Variants in BCR observed in about 807,000 individuals in gnomAD.
BCR encodes BCR activator of RhoGEF and GTPase, also known as breakpoint cluster region protein.
Under a neutral mutation model 138.6 loss-of-function variants are expected in BCR, and 58 were observed. That is an observed-to-expected ratio of 0.42 (90% CI 0.34 to 0.52). The LOEUF is 0.52. Ranked by LOEUF, BCR falls within the 20% of genes least tolerant of loss-of-function variation. BCR has a pLI of 0.06. For synonymous variants in BCR, 786 were observed against 730.1 expected (o/e 1.08, Z -1.23); for missense variants, 1,599 against 1,727.2 (o/e 0.93, Z 1.32).
intron 1 of BCR, among the ~76,000 whole-genome samples, chr22:23,184,009 C>G (rs894856961): frequency 6.6e-6 from 1 of 152,212 alleles, no homozygotes; most frequent in Non-Finnish European, 1.5e-5. Context: ...TTAGGACTTG[C>G]TGGATTCTTC....
At chr22:23,207,359 G>T (rs79272230) in intron 1 of BCR, among the ~76,000 whole-genome samples, 10,599 of 152,180 alleles carry the variant, frequency 0.07, 1,227 homozygotes, top group African/African-American at 0.24. Flanking sequence ...CTCAAAAGGA[G>T]TATATTGTAA....
chr22:23,258,409 C>G (rs942320725), intron 2 of BCR, among the ~76,000 whole-genome samples: 1 of 152,188 alleles, frequency 6.6e-6, no homozygotes, highest in African/African-American at 2.4e-5. Flanking sequence ...TGGGGCAGGC[C>G]AGGCCCTGGG....
In BCR at chr22:23,195,605, G is replaced by A. The variant is rs572320356; in HGVS notation, c.1279+13366G>A. ...GAGACTGTCTCAAAAAATAAAAACC[G>A]GCCGGGCGCGGTGGCTCGCGCCTGT... On this transcript the variant is annotated intron_variant, in intron 1 of 22. Coordinates refer to ENST00000305877, the MANE Select transcript of BCR (RefSeq NM_004327.4). 5.3e-5 allele frequency among the ~76,000 whole-genome samples: 8 copies of A among 151,698 alleles called. No homozygotes were observed. The South Asian group carries it at 1.7e-3, about 32-fold the overall frequency.
At chr22:23,255,483 T>C (rs2073282775) in intron 2 of BCR, among the ~76,000 whole-genome samples, 1 of 152,194 alleles carries the variant, frequency 6.6e-6, no homozygotes, top group Admixed American at 6.5e-5. Flanking sequence ...GTGCACCCCT[T>C]TCTTGCTGCA....
At chr22:23,206,950 C>A (rs1223607130) in intron 1 of BCR, among the ~76,000 whole-genome samples, 2 of 135,892 alleles carry the variant, frequency 1.5e-5, no homozygotes, top group African/African-American at 5.6e-5. Context: ...TTCCTCCCTC[C>A]CTCCCTCCCT....
intron 1 of BCR, among the ~76,000 whole-genome samples, chr22:23,248,625 G>T (rs1345652138): frequency 4.6e-5 from 7 of 152,120 alleles, no homozygotes; most frequent in Admixed American, 1.3e-4. Flanking sequence ...CAAACTGCCT[G>T]GAGAGAAGAG....
chr22:23,315,336 T>G, intron 22 of BCR, 97 bp from the exon 23 acceptor site: 2 of 995,214 alleles, frequency 2.0e-6, no homozygotes, highest in Non-Finnish European at 3.0e-6. Flanking sequence ...CCCCAGCACC[T>G]GAGATGGACT....
chr22:23,224,660 T>TCACTTGAG (rs1250472540), intron 1 of BCR, among the ~76,000 whole-genome samples: 2 of 152,072 alleles, frequency 1.3e-5, no homozygotes, highest in African/African-American at 4.8e-5. Context: ...GGTGGGCGGA[T>TCACTTGAG]CACTTGAGGT....
intron 19 of BCR, 43 bp from the exon 20 acceptor site, chr22:23,312,844 C>G: frequency 1.3e-6 from 2 of 1,595,236 alleles, no homozygotes; most frequent in Non-Finnish European, 1.7e-6. Flanking sequence ...GAGACTCACT[C>G]GGGATCCTCA....
intron 15 of BCR, among the ~76,000 whole-genome samples, chr22:23,293,594 C>A (rs1047411691): frequency 6.6e-6 from 1 of 152,126 alleles, no homozygotes; most frequent in African/African-American, 2.4e-5. Context: ...ATCGAAGAAG[C>A]CTTTGCAGAG....
chr22:23,195,412 C>T (rs1276971366), intron 1 of BCR, among the ~76,000 whole-genome samples: 2 of 139,668 alleles, frequency 1.4e-5, no homozygotes, highest in Non-Finnish European at 3.0e-5. Context: ...AAGAGCGAAA[C>T]TCCGTCTCAA....
chr22:23,199,407 A>G, intron 1 of BCR: 1 of 457,704 alleles, frequency 2.2e-6, no homozygotes, highest in South Asian at 1.6e-5. Context: ...CAGGTTCCAG[A>G]AACTCTGGCA....
intron 1 of BCR, among the ~76,000 whole-genome samples, chr22:23,243,272 T>C (rs1489430546): frequency 1.6e-4 from 25 of 151,992 alleles, no homozygotes; most frequent in Admixed American, 1.6e-3. Flanking sequence ...GCCACGTGAT[T>C]AGAGGGTTGG....
At chr22:23,267,931 A>G (rs1488664645) in intron 4 of BCR, among the ~76,000 whole-genome samples, 1 of 152,214 alleles carries the variant, frequency 6.6e-6, no homozygotes, top group African/African-American at 2.4e-5. Context: ...TCTCTTCTGC[A>G]AAGACGGCCG....
rs780198476 is a variant in BCR at position 23,287,090 on chromosome 22, T to G, written c.2407-69T>G. 120 of 1,550,256 alleles carry G rather than the reference T, an allele frequency of 7.7e-5. 1 individual carries two copies. The highest frequency in any genetic ancestry group is 2.0e-4 in the South Asian group (17 of 83,690). ...GGCTGAATGCAGCTGGTGGTGGGGATGGATGGAATGGGAGTGGGTTGTGTG... is the reference window on the plus strand; with the variant it reads ...GGCTGAATGCAGCTGGTGGTGGGGAGGGATGGAATGGGAGTGGGTTGTGTG... On this transcript the variant is annotated intron_variant, in intron 10 of 22. Transcript: ENST00000305877.
At chr22:23,196,853 G>A (rs776996922) in intron 1 of BCR, among the ~76,000 whole-genome samples, 7 of 152,162 alleles carry the variant, frequency 4.6e-5, no homozygotes, top group South Asian at 2.1e-4. Flanking sequence ...GTCACTCTCC[G>A]CCTACCGCTC....
At position 23,288,065 on chromosome 22, in the gene BCR, A is replaced by T. The variant is rs975888677; in HGVS notation, c.2527-32A>T. The T allele has an allele frequency of 5.0e-6, 8 of 1,607,078 alleles. No homozygotes were observed. The African/African-American group carries it at 1.1e-4, about 22-fold the overall frequency. ...AGGCATTTGCGTAGCCAGGGCGGAGATAACTGGGTGTGTTCTTCTTGCCCA... is the reference window on the plus strand; with the variant it reads ...AGGCATTTGCGTAGCCAGGGCGGAGTTAACTGGGTGTGTTCTTCTTGCCCA... On this transcript the variant is annotated intron_variant, in intron 11 of 22. Transcript: ENST00000305877.
chr22:23,198,885 C>T (rs1029498153), intron 1 of BCR, among the ~76,000 whole-genome samples: 5 of 151,898 alleles, frequency 3.3e-5, no homozygotes, highest in South Asian at 2.1e-4. Flanking sequence ...TTTGGGAGGC[C>T]GAGGCTGGTG....
chr22:23,249,348 C>T (rs1050119266), intron 1 of BCR, among the ~76,000 whole-genome samples: 2 of 150,992 alleles, frequency 1.3e-5, no homozygotes, highest in Admixed American at 6.6e-5. Flanking sequence ...AGGAGAATGG[C>T]GTGAACCCGG....
Sources: gnomAD v4.1 joint callset for allele counts (sites outside exome capture counted in the v4.1 genomes callset) on GRCh38, gnomAD v4.1.1 for gene constraint, MANE v1.5 for transcripts, NCBI Gene and HGNC (gene_info 2026-07-23, HGNC 2026-07-21) for gene names.